Variants in ERC2 observed in about 807,000 individuals in gnomAD.
ERC2 encodes ERC protein 2.
ERC2 carries 42 observed loss-of-function variants against 114.8 expected under a neutral mutation model. The observed-to-expected ratio is 0.37, with a 90% CI of 0.29 to 0.47. ERC2 has a LOEUF of 0.47. Among genes scored for constraint, ERC2 ranks in the 20% least tolerant of loss-of-function variants. The pLI, the probability that ERC2 is intolerant of heterozygous loss-of-function variation, is 0.99. For missense variants in ERC2, 939 were observed against 1,150.7 expected (o/e 0.82, Z 2.66); for synonymous variants, 454 against 425.5 (o/e 1.07, Z -0.82).
At chr3:55,673,743 C>T (rs926109173) in intron 17 of ERC2, among the ~76,000 whole-genome samples, 4 of 151,674 alleles carry the variant, frequency 2.6e-5, no homozygotes, top group African/African-American at 9.7e-5. Flanking sequence ...GTCCCACACA[C>T]TGAATCCGTT....
rs376662259 is a variant in ERC2 at position 55,950,432 on chromosome 3, T to G, written c.2396A>C (p.His799Pro). 3.2e-5 allele frequency: 52 copies of G among 1,613,920 alleles called. No individual in the cohort carries two copies. Among genetic ancestry groups the G allele is most frequent in the Non-Finnish European group, 4.3e-5 (51 of 1,179,890 alleles). ...REDSMADNSQ[H>P]LQIEELMNAL... The stretch of plus-strand genomic sequence containing the variant: ...AGAGAAGCCTGTGCTTACCTGCAAA[T>G]GCTGTGAGTTGTCAGCCATGCTGTC... Residue 799 changes from histidine to proline, a missense_variant, in exon 13 of 18, where the codon CAT becomes CCT. By Grantham distance (77) the His-to-Pro change is moderately conservative (BLOSUM62 -2). Around this residue, in one of 5 missense-constraint regions of ERC2, gnomAD observed 328 missense variants for 353.9 expected, o/e 0.93. Coordinates refer to ENST00000288221, the MANE Select transcript of ERC2 (RefSeq NM_015576.3).
chr3:56,048,984 C>T (rs1279775144), intron 7 of ERC2, among the ~76,000 whole-genome samples: 1 of 152,070 alleles, frequency 6.6e-6, no homozygotes, highest in Non-Finnish European at 1.5e-5. Flanking sequence ...GTAGATGATA[C>T]CAAGAACCTG....
intron 15 of ERC2, among the ~76,000 whole-genome samples, chr3:55,729,222 C>T (rs182588064): frequency 1.2e-3 from 186 of 152,300 alleles, no homozygotes; most frequent in African/African-American, 4.3e-3. Context: ...ACTTCCTTGC[C>T]TCCTTGCTCA....
intron 7 of ERC2, among the ~76,000 whole-genome samples, chr3:56,028,042 C>T (rs1430457102): frequency 6.6e-6 from 1 of 152,114 alleles, no homozygotes; most frequent in Non-Finnish European, 1.5e-5. Context: ...GATCCAGCAT[C>T]ATTTGTTTAA....
intron 13 of ERC2, 116 bp from the exon 14 acceptor site, chr3:55,888,665 G>A: frequency 3.2e-6 from 4 of 1,262,430 alleles, no homozygotes; most frequent in Non-Finnish European, 4.5e-6. Flanking sequence ...CCTTGAACTG[G>A]GCCGCTGTGT....
intron 10 of ERC2, among the ~76,000 whole-genome samples, chr3:56,000,893 T>TAA (rs58057703): frequency 2.2e-5 from 3 of 137,752 alleles, no homozygotes; most frequent in Non-Finnish European, 1.6e-5. Context: ...GTCTTAAGTT[T>TAA]AAAAAAAAAA....
At chr3:56,467,942 G>A (rs890196832) in intron 1 of ERC2, among the ~76,000 whole-genome samples, 1 of 152,126 alleles carries the variant, frequency 6.6e-6, no homozygotes, top group African/African-American at 2.4e-5. Context: ...GGCTGCCGGA[G>A]AGGGACTGCG....
intron 17 of ERC2, among the ~76,000 whole-genome samples, chr3:55,640,009 A>G (rs1188628316): frequency 6.6e-6 from 1 of 152,148 alleles, no homozygotes; most frequent in African/African-American, 2.4e-5. Flanking sequence ...AGCTATGTCA[A>G]TGTCGGAGGG....
At chr3:55,925,005 T>C (rs1396672879) in intron 13 of ERC2, among the ~76,000 whole-genome samples, 1 of 152,200 alleles carries the variant, frequency 6.6e-6, no homozygotes, top group Non-Finnish European at 1.5e-5. Flanking sequence ...CTTCAAAGCT[T>C]AAACAAGGTT....
intron 17 of ERC2, among the ~76,000 whole-genome samples, chr3:55,624,381 G>A (rs1293586975): frequency 1.3e-5 from 2 of 152,186 alleles, no homozygotes; most frequent in South Asian, 2.1e-4. Context: ...GTGTCGCCAC[G>A]GGAGGGACAC....
chr3:55,847,126 CA>C (rs1214140900), intron 14 of ERC2, among the ~76,000 whole-genome samples: 9 of 152,178 alleles, frequency 5.9e-5, no homozygotes, highest in African/African-American at 2.2e-4. Context: ...CTTTAATATA[CA>C]AATAGATTTA....
intron 3 of ERC2, among the ~76,000 whole-genome samples, chr3:56,252,455 T>A (rs2052229186): frequency 6.6e-6 from 1 of 152,020 alleles, no homozygotes; most frequent in Non-Finnish European, 1.5e-5. Flanking sequence ...AAATAATAGC[T>A]TTAACAGGGG....
intron 6 of ERC2, among the ~76,000 whole-genome samples, chr3:56,093,937 G>T (rs558021728): frequency 1.3e-5 from 2 of 152,260 alleles, no homozygotes; most frequent in East Asian, 3.9e-4. Flanking sequence ...AGCAGGGTGT[G>T]TGCCATGATG....
intron 2 of ERC2, among the ~76,000 whole-genome samples, chr3:56,369,663 G>A (rs943398537): frequency 1.3e-5 from 2 of 151,896 alleles, no homozygotes; most frequent in Non-Finnish European, 2.9e-5. Flanking sequence ...ATCTCCATGA[G>A]CACCTACTGG....
At chr3:56,076,098 T>C (rs560883114) in intron 7 of ERC2, among the ~76,000 whole-genome samples, 1 of 152,206 alleles carries the variant, frequency 6.6e-6, no homozygotes, top group East Asian at 1.9e-4. Flanking sequence ...CCTCTCTACC[T>C]TTTCCAACCC....
intron 7 of ERC2, among the ~76,000 whole-genome samples, chr3:56,023,812 A>AAGGAAGGAAGGAAGG: frequency 6.6e-6 from 1 of 151,924 alleles, no homozygotes; most frequent in African/African-American, 2.4e-5. Flanking sequence ...GGAAGGAAGG[A>AAGGAAGGAAGGAAGG]ATTCTAAAGA....
intron 14 of ERC2, among the ~76,000 whole-genome samples, chr3:55,743,593 C>CAAAAA (rs367859231): frequency 3.8e-4 from 37 of 96,900 alleles, no homozygotes; most frequent in East Asian, 6.0e-4. Context: ...CCTGATCCAC[C>CAAAAA]AAAAAAAAAA....
At chr3:56,282,567 T>A (rs2054418635) in intron 3 of ERC2, among the ~76,000 whole-genome samples, 1 of 151,412 alleles carries the variant, frequency 6.6e-6, no homozygotes, top group African/African-American at 2.4e-5. Flanking sequence ...CTGCCCTGAT[T>A]AGGTAATAGG....
intron 3 of ERC2, among the ~76,000 whole-genome samples, chr3:56,227,893 G>C (rs1268762261): frequency 6.6e-6 from 1 of 152,178 alleles, no homozygotes; most frequent in Non-Finnish European, 1.5e-5. Context: ...CAGGGGACTG[G>C]ATAAGCAAGT....
Sources: allele counts gnomAD v4.1 joint callset (sites outside exome capture counted in the v4.1 genomes callset), GRCh38; gene constraint gnomAD v4.1.1; regional missense constraint gnomAD v4.1.1; transcripts MANE v1.5; gene names NCBI Gene and HGNC (gene_info 2026-07-23, HGNC 2026-07-21).